The following TIAM1 variants were observed in gnomAD, a reference collection of about 807,000 sequenced individuals.
TIAM1 encodes rho guanine nucleotide exchange factor TIAM1.
In TIAM1, 65 loss-of-function variants were observed where a neutral mutation model predicts 163.5. That is an observed-to-expected ratio of 0.40 (90% CI 0.33 to 0.49). TIAM1 has a LOEUF of 0.49. Ranked by LOEUF, TIAM1 falls within the 20% of genes least tolerant of loss-of-function variation. The pLI is 0.77. For synonymous variants in TIAM1, 833 were observed against 810.1 expected (o/e 1.03, Z -0.48); for missense variants, 1,789 against 2,044.7 (o/e 0.87, Z 2.41).
chr21:31,118,625 G>C lies in TIAM1; in HGVS notation c.*1743C>G, dbSNP rs1568849922. On this transcript the variant is annotated 3_prime_UTR_variant, in exon 28 of 28. Transcript: ENST00000541036. ...GTTTTCAGATGGATGTGTTGCACTG[G>C]AGCCAGTAAATGCGACGATTAGAAG... 2.1e-6 allele frequency: 1 copy of C among 471,352 alleles called. No homozygotes were observed. Among genetic ancestry groups the C allele is most frequent in the Admixed American group, 2.3e-5 (1 of 42,582 alleles). 29.2% of individuals were successfully genotyped at this position (471,352 alleles called of 1,614,324 possible).
At chr21:31,389,308 C>T (rs1335401551) in intron 2 of TIAM1, among the ~76,000 whole-genome samples, 2 of 152,118 alleles carry the variant, frequency 1.3e-5, no homozygotes, top group Non-Finnish European at 2.9e-5. Context: ...CTCCGCCTCC[C>T]GGGTCCAAGC....
chr21:31,354,464 C>T (rs2076283896), intron 2 of TIAM1, among the ~76,000 whole-genome samples: 1 of 152,046 alleles, frequency 6.6e-6, no homozygotes, highest in African/African-American at 2.4e-5. Context: ...CAAGGACCCC[C>T]CCTCCACACC....
chr21:31,354,488 G>C (rs1162260914), intron 2 of TIAM1, among the ~76,000 whole-genome samples: 1 of 152,006 alleles, frequency 6.6e-6, no homozygotes, highest in African/African-American at 2.4e-5. Flanking sequence ...ACCACACGAA[G>C]AGGCAAGTTC....
intron 2 of TIAM1, among the ~76,000 whole-genome samples, chr21:31,430,476 T>G (rs1372544122): frequency 6.6e-6 from 1 of 151,838 alleles, no homozygotes; most frequent in African/African-American, 2.4e-5. Context: ...TTTTTACCAC[T>G]AAATGGGAAA....
chr21:31,383,221 C>G (rs2076808239), intron 2 of TIAM1, among the ~76,000 whole-genome samples: 2 of 151,870 alleles, frequency 1.3e-5, no homozygotes, highest in African/African-American at 4.8e-5. Flanking sequence ...CCCTGGGCAA[C>G]AGAGCAAGAC....
At chr21:31,228,467 C>T (rs569068678) in intron 6 of TIAM1, among the ~76,000 whole-genome samples, 1 of 152,138 alleles carries the variant, frequency 6.6e-6, no homozygotes, top group East Asian at 1.9e-4. Context: ...AAGAGAAATG[C>T]ACTCATATGC....
intron 2 of TIAM1, among the ~76,000 whole-genome samples, chr21:31,446,821 A>C (rs778231065): frequency 6.6e-6 from 1 of 152,226 alleles, no homozygotes; most frequent in Admixed American, 6.5e-5. Flanking sequence ...AATGCTAAGC[A>C]CAGAAAAGTT....
At chr21:31,179,495 C>A (rs1034985391) in intron 15 of TIAM1, among the ~76,000 whole-genome samples, 1 of 151,066 alleles carries the variant, frequency 6.6e-6, no homozygotes, top group Non-Finnish European at 1.5e-5. Context: ...CCATGCCTGG[C>A]ACATAGTAAA....
intron 1 of TIAM1, among the ~76,000 whole-genome samples, chr21:31,521,994 C>T (rs1161039086): frequency 6.6e-6 from 1 of 151,840 alleles, no homozygotes; most frequent in Non-Finnish European, 1.5e-5. Flanking sequence ...GCCTCAGGCT[C>T]CCAAGTAGCT....
At chr21:31,380,925 TC>T (rs1569281297) in intron 2 of TIAM1, among the ~76,000 whole-genome samples, 1 of 152,168 alleles carries the variant, frequency 6.6e-6, no homozygotes, top group African/African-American at 2.4e-5. Context: ...CCTGGGATCC[TC>T]CCCCAAGCCC....
At chr21:31,502,354 C>T (rs1190262351) in intron 1 of TIAM1, among the ~76,000 whole-genome samples, 1 of 152,106 alleles carries the variant, frequency 6.6e-6, no homozygotes, top group African/African-American at 2.4e-5. Flanking sequence ...TCACGGCAGC[C>T]TCGAACTCCT....
intron 2 of TIAM1, among the ~76,000 whole-genome samples, chr21:31,449,699 T>A (rs1382087093): frequency 6.6e-6 from 1 of 152,100 alleles, no homozygotes; most frequent in East Asian, 1.9e-4. Flanking sequence ...TAAATGCTTG[T>A]TCCCTCCACA....
intron 2 of TIAM1, among the ~76,000 whole-genome samples, chr21:31,352,874 C>CAAA (rs35370613): frequency 1.6e-5 from 2 of 122,894 alleles, no homozygotes; most frequent in African/African-American, 2.9e-5. Context: ...GACTCTGTCT[C>CAAA]AAAAAAAAAA....
chr21:31,550,781 A>C (rs538687922), intron 1 of TIAM1, among the ~76,000 whole-genome samples: 2 of 152,352 alleles, frequency 1.3e-5, no homozygotes, highest in Admixed American at 1.3e-4. Flanking sequence ...AAGAAAGTTA[A>C]GGAGAAAAAG....
At chr21:31,247,316 A>T (rs1431040731) in intron 5 of TIAM1, among the ~76,000 whole-genome samples, 1 of 152,046 alleles carries the variant, frequency 6.6e-6, no homozygotes. Flanking sequence ...GTCACAAAAA[A>T]ATAAAAATGA....
chr21:31,318,110 T>C (rs1281755829), intron 2 of TIAM1, among the ~76,000 whole-genome samples: 1 of 152,192 alleles, frequency 6.6e-6, no homozygotes, highest in Non-Finnish European at 1.5e-5. Context: ...AATTCTTTTT[T>C]ATTTTTTGAG....
intron 1 of TIAM1, among the ~76,000 whole-genome samples, chr21:31,472,331 G>C (rs752524324): frequency 2.3e-4 from 35 of 151,898 alleles, no homozygotes; most frequent in Non-Finnish European, 4.6e-4. Context: ...GTTTGAGACC[G>C]GCCTGGCCAA....
intron 2 of TIAM1, among the ~76,000 whole-genome samples, chr21:31,431,460 C>A (rs1237541444): frequency 2.0e-5 from 3 of 152,174 alleles, no homozygotes; most frequent in South Asian, 4.1e-4. Context: ...AGTGGGAGAA[C>A]CACTGAGCTA....
At chr21:31,469,758 G>C (rs949788289) in intron 1 of TIAM1, among the ~76,000 whole-genome samples, 2 of 151,876 alleles carry the variant, frequency 1.3e-5, no homozygotes, top group African/African-American at 4.8e-5. Flanking sequence ...TGTGAACCCG[G>C]GAGGCAGAGC....
Sources: gnomAD v4.1 joint callset for allele counts (sites outside exome capture counted in the v4.1 genomes callset) on GRCh38, gnomAD v4.1.1 for gene constraint, MANE v1.5 for transcripts, NCBI Gene and HGNC (gene_info 2026-07-23, HGNC 2026-07-21) for gene names.